The following ACAP2 variants were observed in gnomAD, a reference collection of about 807,000 sequenced individuals.
ACAP2 encodes the protein arf-GAP with coiled-coil, ANK repeat and PH domain-containing protein 2.
Under a neutral mutation model 115.8 loss-of-function variants are expected in ACAP2, and 39 were observed. The ratio of observed to expected loss-of-function variants is 0.34; its 90% CI spans 0.26 to 0.44. The LOEUF (loss-of-function observed/expected upper bound fraction) is 0.44, where lower values mean the gene tolerates loss of function less well. Ranked by LOEUF, ACAP2 falls within the 20% of genes least tolerant of loss-of-function variation. ACAP2 has a pLI of 1.00. For missense variants in ACAP2, 662 were observed against 927.6 expected (o/e 0.71, Z 3.72); for synonymous variants, 289 against 315.8 (o/e 0.92, Z 0.90).
At chr3:195,377,114 AT>A (rs1215405085) in intron 4 of ACAP2, among the ~76,000 whole-genome samples, 2 of 131,104 alleles carry the variant, frequency 1.5e-5, no homozygotes, top group South Asian at 2.6e-4. Flanking sequence ...AATCCCCTTC[AT>A]TTTACAGAGG....
rs1713322852 is a variant in ACAP2, at chr3:195,412,164, C to CCA, written c.54-20018_54-20017insTG. Among the ~76,000 whole-genome samples the CCA allele has an allele frequency of 6.2e-5, 3 of 48,600 alleles. No individual in the cohort carries two copies. In the South Asian group the frequency reaches 2.6e-3, roughly 43 times the overall value. The allele number at this position is 48,600 out of a possible 152,430, so 31.9% of individuals were successfully genotyped here. ...TGGGTCACAGAGTGAGACCCTGTCT[C>CCA]AAAAAAAAAAAAAAAAAAAAAAAAA... On this transcript the variant is annotated intron_variant, in intron 1 of 22. Transcript: ENST00000326793.
At chr3:195,385,099 A>C (rs1734206918) in intron 2 of ACAP2, among the ~76,000 whole-genome samples, 1 of 152,094 alleles carries the variant, frequency 6.6e-6, no homozygotes, top group African/African-American at 2.4e-5. Context: ...GGTTACTAAA[A>C]AAAAAGACTA....
chr3:195,416,965 A>G (rs1457614642), intron 1 of ACAP2, among the ~76,000 whole-genome samples: 2 of 152,002 alleles, frequency 1.3e-5, no homozygotes, highest in Non-Finnish European at 2.9e-5. Context: ...ACCCATGCTG[A>G]AATACAGTGA....
intron 1 of ACAP2, among the ~76,000 whole-genome samples, chr3:195,438,771 C>T (rs74509239): frequency 1.3e-5 from 2 of 152,114 alleles, no homozygotes; most frequent in East Asian, 1.9e-4. Context: ...GAACAAGAAT[C>T]GTATCTAGCC....
Position 195,291,732 on chromosome 3 carries a change from G to C in ACAP2, c.2037C>G (p.His679Gln), listed in dbSNP as rs767420965. The change falls in exon 20 of 23, where the codon CAC becomes CAG. Residue 679 changes from histidine (H) to glutamine (Q), a missense_variant. Coordinates refer to ENST00000326793, the MANE Select transcript of ACAP2 (RefSeq NM_012287.6). ...CTGTGTGCCCTAAGACGGTGGCATG[G>C]TGCAATGGTCCCCGCCCTTGGACAT... ...QRDVQGRGPL[H>Q]HATVLGHTGQ... 9.9e-6 allele frequency: 16 copies of C among 1,613,850 alleles called. No individual in the cohort carries two copies. Among genetic ancestry groups the C allele is most frequent in the African/African-American group, 1.3e-5 (1 of 74,886 alleles).
chr3:195,431,063 A>G (rs1715078353), intron 1 of ACAP2, among the ~76,000 whole-genome samples: 1 of 152,010 alleles, frequency 6.6e-6, no homozygotes, highest in Non-Finnish European at 1.5e-5. Context: ...TCACCCTCCA[A>G]CCCCTAGAAA....
At chr3:195,371,081 T>C (rs1450898928) in intron 4 of ACAP2, among the ~76,000 whole-genome samples, 2 of 152,232 alleles carry the variant, frequency 1.3e-5, no homozygotes, top group Non-Finnish European at 2.9e-5. Context: ...TTTTAAGGTT[T>C]TTTTCTAGTT....
chr3:195,351,539 G>A (rs1291478929), intron 4 of ACAP2, among the ~76,000 whole-genome samples: 3 of 150,888 alleles, frequency 2.0e-5, no homozygotes, highest in Non-Finnish European at 4.4e-5. Context: ...TCAGCTCACT[G>A]CAAGCTCCAC....
chr3:195,311,357 A>G (rs1450297142), intron 10 of ACAP2, among the ~76,000 whole-genome samples: 4 of 152,124 alleles, frequency 2.6e-5, no homozygotes. Context: ...TTGGCCTCCC[A>G]AAGTGCTGGG....
chr3:195,309,877 T>C (rs939896966), intron 10 of ACAP2, among the ~76,000 whole-genome samples: 4 of 152,216 alleles, frequency 2.6e-5, no homozygotes, highest in African/African-American at 7.2e-5. Context: ...ATGTATTACA[T>C]ATTTACTAAT....
intron 4 of ACAP2, among the ~76,000 whole-genome samples, chr3:195,374,327 T>C (rs1280504578): frequency 1.3e-5 from 2 of 152,204 alleles, no homozygotes; most frequent in East Asian, 3.9e-4. Flanking sequence ...GAGGCGGAGG[T>C]TGCAGTGAGC....
At chr3:195,293,696 G>A (rs1469360309) in intron 18 of ACAP2, among the ~76,000 whole-genome samples, 1 of 151,628 alleles carries the variant, frequency 6.6e-6, no homozygotes, top group East Asian at 1.9e-4. Context: ...ACAAAAATTA[G>A]CTGGGCATGG....
chr3:195,363,179 G>A (rs946261120), intron 4 of ACAP2, among the ~76,000 whole-genome samples: 1 of 152,072 alleles, frequency 6.6e-6, no homozygotes, highest in Non-Finnish European at 1.5e-5. Context: ...AGAAATCAAG[G>A]AAGTAATCCC....
At chr3:195,434,400 T>A in intron 1 of ACAP2, among the ~76,000 whole-genome samples, 1 of 151,916 alleles carries the variant, frequency 6.6e-6, no homozygotes, top group East Asian at 1.9e-4. Context: ...ACTTAGCTAA[T>A]TTTTTTTGTT....
intron 8 of ACAP2, among the ~76,000 whole-genome samples, chr3:195,332,703 T>C (rs1230666592): frequency 6.6e-6 from 1 of 152,170 alleles, no homozygotes; most frequent in East Asian, 1.9e-4. Context: ...CTGGTACTCG[T>C]GATAGTGAGT....
At chr3:195,280,320 A>G (rs1373194680) in intron 22 of ACAP2, among the ~76,000 whole-genome samples, 5 of 152,048 alleles carry the variant, frequency 3.3e-5, no homozygotes, top group Non-Finnish European at 7.4e-5. Context: ...AAAAATACAA[A>G]AAGTAACCAG....
intron 8 of ACAP2, among the ~76,000 whole-genome samples, chr3:195,329,752 T>C (rs1054251527): frequency 1.3e-5 from 2 of 152,184 alleles, no homozygotes; most frequent in Non-Finnish European, 1.5e-5. Context: ...TTTACTTAAC[T>C]TTCTAATAAT....
chr3:195,407,691 C>G (rs1431661194), intron 1 of ACAP2, among the ~76,000 whole-genome samples: 1 of 151,990 alleles, frequency 6.6e-6, no homozygotes, highest in Middle Eastern at 3.4e-3. Flanking sequence ...AGTAAGACTC[C>G]GTCTCAAAAG....
intron 10 of ACAP2, 57 bp from the exon 11 acceptor site, chr3:195,308,894 T>C: frequency 6.8e-7 from 1 of 1,473,250 alleles, no homozygotes; most frequent in Non-Finnish European, 9.3e-7. Flanking sequence ...TCCATTGTTG[T>C]TAGAAATGAA....
Sources: allele counts gnomAD v4.1 joint callset (sites outside exome capture counted in the v4.1 genomes callset), GRCh38; gene constraint gnomAD v4.1.1; transcripts MANE v1.5; gene names NCBI Gene and HGNC (gene_info 2026-07-23, HGNC 2026-07-21).